The following BBS7 variants were observed in gnomAD, a reference collection of about 807,000 sequenced individuals.
BBS7 encodes BBSome complex member BBS7.
Under a neutral mutation model 90.3 loss-of-function variants are expected in BBS7, and 50 were observed. The ratio of observed to expected loss-of-function variants is 0.55; its 90% CI spans 0.44 to 0.70. BBS7 has a LOEUF of 0.70. Among genes scored for constraint, BBS7 ranks in the 30% least tolerant of loss-of-function variants. The pLI, the probability that BBS7 is intolerant of heterozygous loss-of-function variation, is 0.00. For missense variants in BBS7, 729 were observed against 838.9 expected, an observed-to-expected ratio of 0.87 and a Z score of 1.62; for synonymous variants, 235 against 287.4, an observed-to-expected ratio of 0.82 and a Z score of 1.85.
intron 18 of BBS7, among the ~76,000 whole-genome samples, chr4:121,826,848 G>T (rs1410551439): frequency 6.6e-6 from 1 of 152,066 alleles, no homozygotes; most frequent in African/African-American, 2.4e-5. Context: ...GCTGGGCATG[G>T]TGGCGCACAC....
chr4:121,858,760 TG>T, intron 5 of BBS7: 1 of 469,100 alleles, frequency 2.1e-6, no homozygotes, highest in Non-Finnish European at 3.8e-6. Flanking sequence ...AAATTGTGTA[TG>T]GTGAGGCAAA....
At chr4:121,857,621 G>A (rs190837131) in intron 5 of BBS7, among the ~76,000 whole-genome samples, 318 of 152,152 alleles carry the variant, frequency 2.1e-3, no homozygotes, top group Admixed American at 4.8e-3. Flanking sequence ...CAGATCTTTA[G>A]TAATTATTTT....
intron 2 of BBS7, among the ~76,000 whole-genome samples, chr4:121,864,623 A>G (rs1727159485): frequency 6.6e-6 from 1 of 152,220 alleles, no homozygotes; most frequent in Admixed American, 6.5e-5. Flanking sequence ...CAACTTACAT[A>G]AACAAATGTT....
intron 13 of BBS7, 138 bp downstream of exon 13, chr4:121,839,493 A>C: frequency 1.4e-6 from 1 of 734,184 alleles, no homozygotes; most frequent in Non-Finnish European, 2.4e-6. Flanking sequence ...CTAACTGGTC[A>C]TTCAAAATTC....
At chr4:121,847,708 T>C (rs1203787601) in intron 9 of BBS7, among the ~76,000 whole-genome samples, 8 of 151,484 alleles carry the variant, frequency 5.3e-5, no homozygotes, top group Non-Finnish European at 1.2e-4. Context: ...TACTTAAGCA[T>C]TTCACGATAT....
intron 2 of BBS7, among the ~76,000 whole-genome samples, chr4:121,867,445 T>C (rs1727349891): frequency 6.6e-6 from 1 of 152,198 alleles, no homozygotes; most frequent in Admixed American, 6.5e-5. Flanking sequence ...CTAGGACTTC[T>C]AGTACTATGT....
At chr4:121,835,640 G>A (rs1725414178) in intron 13 of BBS7, among the ~76,000 whole-genome samples, 1 of 152,024 alleles carries the variant, frequency 6.6e-6, no homozygotes, top group African/African-American at 2.4e-5. Flanking sequence ...TTGCTGACAA[G>A]GAAGAGGATA....
intron 13 of BBS7, among the ~76,000 whole-genome samples, chr4:121,836,828 T>G (rs1232269563): frequency 6.6e-6 from 1 of 152,226 alleles, no homozygotes; most frequent in Admixed American, 6.5e-5. Context: ...TGTTGTTCTT[T>G]AACATTTTTT....
At chr4:121,856,240 C>A (rs1025186877) in intron 5 of BBS7, among the ~76,000 whole-genome samples, 1 of 152,162 alleles carries the variant, frequency 6.6e-6, no homozygotes, top group East Asian at 1.9e-4. Flanking sequence ...CAGTCAGAGG[C>A]TGAATGACCT....
At chr4:121,865,879 G>T (rs1234608741) in intron 2 of BBS7, among the ~76,000 whole-genome samples, 4 of 152,048 alleles carry the variant, frequency 2.6e-5, no homozygotes, top group African/African-American at 9.7e-5. Context: ...TTGTTTTTTG[G>T]TTTTTTGTTT....
chr4:121,849,844 A>T (rs538265924), intron 8 of BBS7, among the ~76,000 whole-genome samples: 56 of 152,316 alleles, frequency 3.7e-4, no homozygotes, highest in South Asian at 1.2e-3. Flanking sequence ...AAAATAAAAA[A>T]AAATTACATA....
intron 1 of BBS7, among the ~76,000 whole-genome samples, chr4:121,869,601 T>G (rs1267357492): frequency 6.6e-6 from 1 of 152,198 alleles, no homozygotes; most frequent in Non-Finnish European, 1.5e-5. Flanking sequence ...TGCAGTGGCA[T>G]GATGTCAGCT....
intron 9 of BBS7, 119 bp downstream of exon 9, chr4:121,848,725 A>G (rs754033616): frequency 1.7e-4 from 130 of 765,864 alleles, no homozygotes; most frequent in Non-Finnish European, 2.6e-4. Context: ...TGGATTCCCC[A>G]TGAATAAGGG....
chr4:121,826,430 G>A (rs1004994302), intron 18 of BBS7, among the ~76,000 whole-genome samples: 5 of 152,130 alleles, frequency 3.3e-5, no homozygotes, highest in African/African-American at 1.2e-4. Flanking sequence ...AATAGTCCTA[G>A]GTTCAAAGAT....
intron 13 of BBS7, among the ~76,000 whole-genome samples, chr4:121,838,507 TTTAA>T (rs777608919): frequency 3.9e-5 from 6 of 152,228 alleles, no homozygotes; most frequent in African/African-American, 7.2e-5. Context: ...ATGGTAAGTA[TTTAA>T]TTATGAAAAT....
chr4:121,847,920 AGCAAGTTTTG>A (rs1219492569), intron 9 of BBS7, among the ~76,000 whole-genome samples: 3 of 152,110 alleles, frequency 2.0e-5, no homozygotes, highest in Non-Finnish European at 4.4e-5. Flanking sequence ...CCAACTCAAA[AGCAAGTTTTG>A]GCAAGTTTTT....
At chr4:121,846,865 G>A (rs1018793480) in intron 10 of BBS7, among the ~76,000 whole-genome samples, 3 of 152,282 alleles carry the variant, frequency 2.0e-5, no homozygotes, top group South Asian at 2.1e-4. Flanking sequence ...CAACTCCCAC[G>A]TCTTCGTTGT....
At chr4:121,838,176 T>C (rs542561283) in intron 13 of BBS7, among the ~76,000 whole-genome samples, 86 of 152,234 alleles carry the variant, frequency 5.6e-4, no homozygotes, top group African/African-American at 1.9e-3. Flanking sequence ...AGAAACTTGC[T>C]CAATGTAAAA....
At position 121,847,385 on chromosome 4, in the gene BBS7, A is replaced by C. The variant is rs747638382; in HGVS notation, c.1037+19T>G. 5 of 1,529,736 alleles carry C rather than the reference A, an allele frequency of 3.3e-6. No individual in the cohort carries two copies. The highest frequency in any genetic ancestry group is 1.8e-6 in the Non-Finnish European group (2 of 1,104,190). 94.8% of individuals were successfully genotyped at this position (1,529,736 alleles called of 1,614,324 possible). A position where few individuals can be genotyped will look rare whatever the true frequency, so the allele number is the denominator to read the frequency against. ...CTTCATGAGATTTTTAAAAAAGCAAATAAAAAACTCAAAGTTACCGTAAGG... is the reference window on the plus strand; with the variant it reads ...CTTCATGAGATTTTTAAAAAAGCAACTAAAAAACTCAAAGTTACCGTAAGG... On this transcript the variant is annotated intron_variant, in intron 10 of 18. Transcript: ENST00000264499.
Sources: gnomAD v4.1 joint callset for allele counts (sites outside exome capture counted in the v4.1 genomes callset) on GRCh38, gnomAD v4.1.1 for gene constraint, MANE v1.5 for transcripts, NCBI Gene and HGNC (gene_info 2026-07-23, HGNC 2026-07-21) for gene names.